Variants in LHFPL6 observed in about 807,000 individuals in gnomAD.
LHFPL6 encodes LHFPL tetraspan subfamily member 6 protein.
LHFPL6 carries 9 observed loss-of-function variants against 20.6 expected under a neutral mutation model. That is an observed-to-expected ratio of 0.44 (90% CI 0.26 to 0.76). The LOEUF (loss-of-function observed/expected upper bound fraction) is 0.76, where lower values mean the gene tolerates loss of function less well. Ranked by LOEUF, LHFPL6 falls within the 30% of genes least tolerant of loss-of-function variation. LHFPL6 has a pLI of 0.20. For synonymous variants in LHFPL6, 105 were observed against 98.7 expected (o/e 1.06, Z -0.38); for missense variants, 218 against 253.5 (o/e 0.86, Z 0.95).
At chr13:39,546,823 A>C (rs1298196098) in intron 2 of LHFPL6, among the ~76,000 whole-genome samples, 1 of 151,836 alleles carries the variant, frequency 6.6e-6, no homozygotes, top group Non-Finnish European at 1.5e-5. Flanking sequence ...ACTCCTACCA[A>C]ATTTCTCTGC....
At chr13:39,584,534 A>G (rs1365123680) in intron 2 of LHFPL6, among the ~76,000 whole-genome samples, 1 of 151,678 alleles carries the variant, frequency 6.6e-6, no homozygotes, top group East Asian at 1.9e-4. Flanking sequence ...TCAAAAAAAA[A>G]AAAAAAAAAA....
At chr13:39,500,848 C>G (rs944898474) in intron 2 of LHFPL6, among the ~76,000 whole-genome samples, 1 of 152,096 alleles carries the variant, frequency 6.6e-6, no homozygotes, top group African/African-American at 2.4e-5. Flanking sequence ...TAAACTTGGA[C>G]AAGAAATTTG....
intron 2 of LHFPL6, among the ~76,000 whole-genome samples, chr13:39,506,444 C>T (rs193158376): frequency 3.2e-4 from 49 of 152,336 alleles, no homozygotes; most frequent in Admixed American, 1.5e-3. Context: ...TGGGATTTCA[C>T]GCTCTTCTGA....
At chr13:39,568,773 T>C (rs545036500) in intron 2 of LHFPL6, among the ~76,000 whole-genome samples, 1 of 152,312 alleles carries the variant, frequency 6.6e-6, no homozygotes, top group Admixed American at 6.5e-5. Context: ...CCAGTTTAGG[T>C]GGAGGCCAGT....
At chr13:39,452,590 A>C (rs1872479437) in intron 2 of LHFPL6, among the ~76,000 whole-genome samples, 1 of 152,202 alleles carries the variant, frequency 6.6e-6, no homozygotes, top group Admixed American at 6.5e-5. Context: ...GTGTGGGGTG[A>C]CAGGAGGACT....
intron 2 of LHFPL6, among the ~76,000 whole-genome samples, chr13:39,411,944 T>C (rs1871247936): frequency 6.6e-6 from 1 of 152,194 alleles, no homozygotes; most frequent in Non-Finnish European, 1.5e-5. Context: ...TTTTAAGAAG[T>C]AGATGGATAC....
At chr13:39,369,606 T>TTCCTTCC (rs1870112579) in intron 3 of LHFPL6, among the ~76,000 whole-genome samples, 7 of 4,226 alleles carry the variant, frequency 1.7e-3, no homozygotes, top group African/African-American at 2.6e-3. Context: ...TTCCTCCCTC[T>TTCCTTCC]CTCCCTCCCT....
intron 2 of LHFPL6, among the ~76,000 whole-genome samples, chr13:39,536,262 T>C (rs1255650705): frequency 6.6e-6 from 1 of 152,172 alleles, no homozygotes; most frequent in African/African-American, 2.4e-5. Context: ...GTGATTGCTA[T>C]GAAGGTAGGG....
At chr13:39,368,482 T>G (rs1057166801) in intron 3 of LHFPL6, among the ~76,000 whole-genome samples, 4 of 152,090 alleles carry the variant, frequency 2.6e-5, no homozygotes, top group African/African-American at 9.7e-5. Flanking sequence ...CTCTGGAGGC[T>G]GAGGCAGGAG....
intron 2 of LHFPL6, among the ~76,000 whole-genome samples, chr13:39,453,205 C>A (rs1375745097): frequency 6.6e-6 from 1 of 152,158 alleles, no homozygotes; most frequent in Middle Eastern, 3.2e-3. Flanking sequence ...ACTTGAAAAA[C>A]TACATTTAAG....
chr13:39,462,175 T>G (rs192398160), intron 2 of LHFPL6, among the ~76,000 whole-genome samples: 148 of 152,294 alleles, frequency 9.7e-4, no homozygotes, highest in African/African-American at 3.3e-3. Context: ...CTTTCTCTTA[T>G]TAGGTCTCTC....
intron 2 of LHFPL6, among the ~76,000 whole-genome samples, chr13:39,570,124 C>G (rs1474451282): frequency 1.3e-5 from 2 of 152,076 alleles, no homozygotes; most frequent in African/African-American, 4.8e-5. Flanking sequence ...TTTCTTTACT[C>G]TTTTTAAATT....
chr13:39,372,730 A>G (rs114848779), intron 3 of LHFPL6, among the ~76,000 whole-genome samples: 1 of 152,214 alleles, frequency 6.6e-6, no homozygotes, highest in African/African-American at 2.4e-5. Flanking sequence ...GTATTTTTTA[A>G]AGTAGGTTCT....
chr13:39,381,805 T>C (rs1180515892), intron 2 of LHFPL6, among the ~76,000 whole-genome samples: 1 of 145,450 alleles, frequency 6.9e-6, no homozygotes, highest in Admixed American at 7.0e-5. Flanking sequence ...GGATACCTTC[T>C]GGTCAGAGCA....
chr13:39,460,933 C>T (rs1872673032), intron 2 of LHFPL6, among the ~76,000 whole-genome samples: 1 of 151,920 alleles, frequency 6.6e-6, no homozygotes, highest in South Asian at 2.1e-4. Flanking sequence ...ATTTTGTGAC[C>T]CAGGTGATAA....
At chr13:39,599,300 C>A (rs1009085299) in intron 2 of LHFPL6, among the ~76,000 whole-genome samples, 2 of 152,194 alleles carry the variant, frequency 1.3e-5, no homozygotes, top group Non-Finnish European at 2.9e-5. Flanking sequence ...AGCAGACCAA[C>A]TTTATTCTTA....
intron 3 of LHFPL6, among the ~76,000 whole-genome samples, chr13:39,369,228 C>T (rs1870091796): frequency 6.6e-6 from 1 of 151,882 alleles, no homozygotes. Flanking sequence ...TCCTTTTTCC[C>T]ACAATTGCTT....
At chr13:39,361,416 CA>C (rs1869865902) in intron 3 of LHFPL6, among the ~76,000 whole-genome samples, 1 of 152,042 alleles carries the variant, frequency 6.6e-6, no homozygotes, top group Non-Finnish European at 1.5e-5. Flanking sequence ...CTCCCAGGTT[CA>C]TGTGATTCTC....
intron 2 of LHFPL6, among the ~76,000 whole-genome samples, chr13:39,568,035 C>G (rs1282106867): frequency 1.3e-5 from 2 of 152,202 alleles, no homozygotes; most frequent in African/African-American, 4.8e-5. Context: ...ACAGGAAGAA[C>G]TAGAACAAGT....
Sources: gnomAD v4.1 joint callset for allele counts (sites outside exome capture counted in the v4.1 genomes callset) on GRCh38, gnomAD v4.1.1 for gene constraint, MANE v1.5 for transcripts, NCBI Gene and HGNC (gene_info 2026-07-23, HGNC 2026-07-21) for gene names.